PHTF2: variants seen among roughly 807,000 people sequenced by gnomAD.
PHTF2 encodes the protein putative homeodomain transcription factor 2, also known as protein PHTF2.
PHTF2 carries 60 observed loss-of-function variants against 101.2 expected under a neutral mutation model. The ratio of observed to expected loss-of-function variants is 0.59; its 90% confidence interval spans 0.48 to 0.73. The LOEUF (loss-of-function observed/expected upper bound fraction) is 0.73, where lower values mean the gene tolerates loss of function less well. Among genes scored for constraint, PHTF2 ranks in the 30% least tolerant of loss-of-function variants. The pLI is 0.00. For synonymous variants in PHTF2, 311 were observed against 307.3 expected, an observed-to-expected ratio of 1.01 and a Z score of -0.13; for missense variants, 747 against 908.7, an observed-to-expected ratio of 0.82 and a Z score of 2.29.
chr7:77,941,014 A>G (rs2150974977), intron 15 of PHTF2, among the ~76,000 whole-genome samples: 1 of 152,274 alleles, frequency 6.6e-6, no homozygotes, highest in East Asian at 1.9e-4. Flanking sequence ...CTCTGGAGGG[A>G]AGAGGGAAAC....
intron 12 of PHTF2, among the ~76,000 whole-genome samples, chr7:77,930,359 C>G (rs1368826571): frequency 6.6e-6 from 1 of 152,150 alleles, no homozygotes; most frequent in African/African-American, 2.4e-5. Flanking sequence ...ACCAATACCT[C>G]AAATTTAACC....
intron 2 of PHTF2, among the ~76,000 whole-genome samples, chr7:77,848,362 C>T (rs1314250404): frequency 2.6e-5 from 4 of 152,256 alleles, no homozygotes; most frequent in African/African-American, 4.8e-5. Flanking sequence ...ACATCCTTGC[C>T]GGCATTTGTT....
chr7:77,929,395 A>G (rs1804358368), intron 12 of PHTF2, 68 bp downstream of exon 11: 1 of 765,610 alleles, frequency 1.3e-6, no homozygotes, highest in African/African-American at 1.7e-5. Context: ...TTCAAATGTT[A>G]CAGAGGTGAA....
At chr7:77,953,802 A>G in exon 19 of PHTF2, 1 of 1,613,380 alleles carries the variant, frequency 6.2e-7, no homozygotes, top group African/African-American at 1.3e-5. Flanking sequence ...ATATGGGCTT[A>G]CAATGAATCC....
intron 10 of PHTF2, 85 bp from the exon 10 acceptor site, chr7:77,922,538 A>G (rs769627575): frequency 3.1e-5 from 31 of 1,012,220 alleles, no homozygotes; most frequent in Non-Finnish European, 4.0e-5. Context: ...GTATATATGT[A>G]TGTGTAATTT....
At chr7:77,923,973 A>T (rs2150923151) in intron 11 of PHTF2, 1 of 930,498 alleles carries the variant, frequency 1.1e-6, no homozygotes. Flanking sequence ...GTAAGCATTG[A>T]TTTACATCTT....
At chr7:77,902,246 T>G (rs1157726909) in intron 7 of PHTF2, among the ~76,000 whole-genome samples, 1 of 152,182 alleles carries the variant, frequency 6.6e-6, no homozygotes, top group Admixed American at 6.5e-5. Context: ...CTATACAAGT[T>G]TATTATTCCT....
chr7:77,912,983 A>G (rs1212700324), intron 9 of PHTF2, among the ~76,000 whole-genome samples: 1 of 151,972 alleles, frequency 6.6e-6, no homozygotes, highest in Non-Finnish European at 1.5e-5. Flanking sequence ...TCTCAAGATA[A>G]AACTATTATT....
At chr7:77,867,792 TAGAC>T (rs759436076) in intron 3 of PHTF2, among the ~76,000 whole-genome samples, 13 of 152,344 alleles carry the variant, frequency 8.5e-5, no homozygotes, top group Non-Finnish European at 1.5e-4. Context: ...GATTGGGTGA[TAGAC>T]AGTGTAATAA....
chr7:77,954,010 C>A, intron 19 of PHTF2, 116 bp downstream of exon 18: 1 of 713,128 alleles, frequency 1.4e-6, no homozygotes. Context: ...AATTATTGAA[C>A]ATTTCACATT....
intron 3 of PHTF2, among the ~76,000 whole-genome samples, chr7:77,876,077 G>A (rs1798919815): frequency 6.6e-6 from 1 of 152,108 alleles, no homozygotes; most frequent in Non-Finnish European, 1.5e-5. Flanking sequence ...GTTGGTCTGG[G>A]CCATAGTATC....
At chr7:77,876,255 C>G (rs985337028) in intron 3 of PHTF2, among the ~76,000 whole-genome samples, 2 of 152,208 alleles carry the variant, frequency 1.3e-5, no homozygotes, top group African/African-American at 2.4e-5. Context: ...CAAGGACCAG[C>G]AAATGCTTAA....
chr7:77,890,331 C>T (rs1314684952), intron 3 of PHTF2, among the ~76,000 whole-genome samples: 1 of 152,084 alleles, frequency 6.6e-6, no homozygotes, highest in Non-Finnish European at 1.5e-5. Context: ...CTAGTTATGC[C>T]AAGGATTGAC....
chr7:77,918,007 G>A (rs1803092516), intron 9 of PHTF2, among the ~76,000 whole-genome samples: 1 of 152,164 alleles, frequency 6.6e-6, no homozygotes, highest in East Asian at 1.9e-4. Context: ...GAAGATTGGA[G>A]GGAAGCAGAG....
chr7:77,939,980 A>G (rs1805503232), intron 13 of PHTF2, 50 bp from the exon 13 acceptor site: 1 of 1,332,572 alleles, frequency 7.5e-7, no homozygotes, highest in South Asian at 1.4e-5. Context: ...GATAAAATTT[A>G]TGGTATAATT....
At chr7:77,853,088 C>T (rs993676459) in intron 2 of PHTF2, among the ~76,000 whole-genome samples, 1 of 152,048 alleles carries the variant, frequency 6.6e-6, no homozygotes, top group Non-Finnish European at 1.5e-5. Flanking sequence ...TGTTGTTCTA[C>T]GACCTTCTTA....
At chr7:77,856,194 C>T (rs1253766126) in intron 3 of PHTF2, among the ~76,000 whole-genome samples, 3 of 152,136 alleles carry the variant, frequency 2.0e-5, no homozygotes, top group Admixed American at 6.5e-5. Context: ...GGTTGGGCAG[C>T]ATAACAAGAC....
At chr7:77,804,570 C>A (rs1156307547) in intron 1 of PHTF2, among the ~76,000 whole-genome samples, 2 of 152,214 alleles carry the variant, frequency 1.3e-5, no homozygotes, top group African/African-American at 4.8e-5. Flanking sequence ...AGGTGATCCA[C>A]CCACCTTGGC....
At chr7:77,844,159 A>G (rs1796093268) in intron 2 of PHTF2, among the ~76,000 whole-genome samples, 1 of 151,470 alleles carries the variant, frequency 6.6e-6, no homozygotes, top group Admixed American at 6.6e-5. Context: ...CACCACACCC[A>G]CCTAACTTTT....
Sources: allele counts gnomAD v4.1 joint callset (sites outside exome capture counted in the v4.1 genomes callset), GRCh38; gene constraint gnomAD v4.1.1; transcripts MANE v1.5; gene names NCBI Gene and HGNC (gene_info 2026-07-23, HGNC 2026-07-21).